The following ADAMTSL1 variants were observed in gnomAD, a reference collection of about 807,000 sequenced individuals.
ADAMTSL1 encodes ADAMTS like 1, also known as ADAMTS-like protein 1.
Under a neutral mutation model 201.8 loss-of-function variants are expected in ADAMTSL1, and 126 were observed. That is an observed-to-expected ratio of 0.62 (90% CI 0.54 to 0.72). ADAMTSL1 has a LOEUF of 0.72. ADAMTSL1 is among the 30% of genes least tolerant of loss of function. ADAMTSL1 has a pLI of 0.00. For synonymous variants in ADAMTSL1, 1,121 were observed against 903.4 expected (o/e 1.24, Z -4.32); for missense variants, 2,679 against 2,277.8 (o/e 1.18, Z -3.59).
At chr9:17,935,709 T>G (rs1440530520) in intron 1 of ADAMTSL1, among the ~76,000 whole-genome samples, 1 of 152,220 alleles carries the variant, frequency 6.6e-6, no homozygotes, top group Non-Finnish European at 1.5e-5. Flanking sequence ...TAGCAATACC[T>G]CTAGCTGTTC....
chr9:18,020,752 A>T (rs901672873), intron 1 of ADAMTSL1, among the ~76,000 whole-genome samples: 4 of 152,252 alleles, frequency 2.6e-5, no homozygotes, highest in African/African-American at 9.6e-5. Context: ...CAACTGACAT[A>T]GAGGGAGTCT....
At chr9:18,206,076 A>G (rs1262254940) in intron 2 of ADAMTSL1, among the ~76,000 whole-genome samples, 1 of 150,556 alleles carries the variant, frequency 6.6e-6, no homozygotes, top group African/African-American at 2.4e-5. Flanking sequence ...AAAAAAAAAA[A>G]AAAAAAAAAG....
intron 8 of ADAMTSL1, 125 bp downstream of exon 8, chr9:18,657,875 G>T: frequency 1.4e-6 from 1 of 727,020 alleles, no homozygotes; most frequent in Non-Finnish European, 2.3e-6. Context: ...CCTTTCTTCT[G>T]AACAGAGTGG....
At chr9:18,645,045 A>C (rs922414258) in intron 7 of ADAMTSL1, among the ~76,000 whole-genome samples, 9 of 152,066 alleles carry the variant, frequency 5.9e-5, no homozygotes, top group African/African-American at 9.7e-5. Context: ...CTTCTCCAGC[A>C]CCTGTTGTTT....
rs566772602 is a variant in ADAMTSL1, at chr9:18,560,413, T to C, written c.238-13617T>C. Among the ~76,000 whole-genome samples, 3 of 152,346 alleles carry C rather than the reference T, an allele frequency of 2.0e-5. No individual in the cohort carries two copies. The South Asian group carries it at 6.2e-4, about 32-fold the overall frequency. ...TGTGCTACTGGATTCAGTTTGCCAG[T>C]ATTTTGTTGAAGATGTTCACATCAA... On this transcript the variant is annotated intron_variant, in intron 3 of 28. Transcript: ENST00000380548.
intron 1 of ADAMTSL1, among the ~76,000 whole-genome samples, chr9:18,107,653 TAAAAAC>T (rs1824817968): frequency 6.6e-6 from 1 of 152,098 alleles, no homozygotes; most frequent in African/African-American, 2.4e-5. Flanking sequence ...AGCAACAAAA[TAAAAAC>T]AAATACCAAT....
At chr9:18,393,865 T>C (rs990107592) in intron 2 of ADAMTSL1, among the ~76,000 whole-genome samples, 2 of 152,188 alleles carry the variant, frequency 1.3e-5, no homozygotes, top group African/African-American at 2.4e-5. Context: ...GCCTGGGTCC[T>C]GGATGATACC....
intron 2 of ADAMTSL1, among the ~76,000 whole-genome samples, chr9:18,229,748 T>G (rs1395998569): frequency 6.6e-6 from 1 of 151,758 alleles, no homozygotes; most frequent in Non-Finnish European, 1.5e-5. Context: ...CAGGCTGGAG[T>G]GCAATGTTGC....
chr9:18,872,531 T>C (rs1827928128), intron 23 of ADAMTSL1, among the ~76,000 whole-genome samples: 1 of 152,142 alleles, frequency 6.6e-6, no homozygotes, highest in African/African-American at 2.4e-5. Context: ...TGTATCATTC[T>C]TATGACTTTG....
chr9:18,258,160 A>G (rs1466743442), intron 2 of ADAMTSL1, among the ~76,000 whole-genome samples: 2 of 152,258 alleles, frequency 1.3e-5, no homozygotes, highest in Admixed American at 6.5e-5. Context: ...AATAAAAACC[A>G]GGTTTTTTGC....
chr9:17,992,570 GA>G (rs1295880134), intron 1 of ADAMTSL1, among the ~76,000 whole-genome samples: 1 of 152,110 alleles, frequency 6.6e-6, no homozygotes, highest in Non-Finnish European at 1.5e-5. Context: ...TGAGTCATCT[GA>G]GGCTAGGAGT....
intron 2 of ADAMTSL1, among the ~76,000 whole-genome samples, chr9:18,512,147 G>C (rs1037425502): frequency 6.6e-6 from 1 of 152,146 alleles, no homozygotes; most frequent in Non-Finnish European, 1.5e-5. Flanking sequence ...TTAAGAGTTT[G>C]CAGTTGCCTT....
At chr9:17,907,095 C>T (rs1825746781) in intron 1 of ADAMTSL1, among the ~76,000 whole-genome samples, 2 of 152,192 alleles carry the variant, frequency 1.3e-5, no homozygotes, top group Admixed American at 6.5e-5. Context: ...TAAGGCGTAC[C>T]CTGGGGTCGA....
chr9:17,985,184 A>C (rs1818874740), intron 1 of ADAMTSL1, among the ~76,000 whole-genome samples: 1 of 152,044 alleles, frequency 6.6e-6, no homozygotes. Context: ...CTCTTTTTGG[A>C]TGGTTAATAA....
intron 2 of ADAMTSL1, among the ~76,000 whole-genome samples, chr9:18,231,091 A>C (rs555864713): frequency 6.6e-6 from 1 of 152,036 alleles, no homozygotes; most frequent in Non-Finnish European, 1.5e-5. Context: ...GACCAGCTCT[A>C]CCTTTCTTGA....
intron 2 of ADAMTSL1, among the ~76,000 whole-genome samples, chr9:18,302,702 C>T (rs1364463311): frequency 2.0e-5 from 3 of 152,186 alleles, no homozygotes; most frequent in Admixed American, 2.0e-4. Flanking sequence ...TTTACTCATA[C>T]TGCCTTTTAA....
chr9:18,330,984 T>C (rs1050346751), intron 2 of ADAMTSL1, among the ~76,000 whole-genome samples: 7 of 152,176 alleles, frequency 4.6e-5, no homozygotes, highest in African/African-American at 1.2e-4. Flanking sequence ...GATAAAATCA[T>C]GTGACTATGA....
intron 2 of ADAMTSL1, among the ~76,000 whole-genome samples, chr9:18,387,094 TG>T (rs1295128888): frequency 2.0e-5 from 3 of 152,082 alleles, no homozygotes; most frequent in Non-Finnish European, 4.4e-5. Context: ...ATATATACAT[TG>T]GGATCTCATT....
chr9:18,650,502 T>C (rs1828168879), intron 7 of ADAMTSL1, among the ~76,000 whole-genome samples: 1 of 152,142 alleles, frequency 6.6e-6, no homozygotes, highest in South Asian at 2.1e-4. Flanking sequence ...GTGGGAGTTG[T>C]AGACAGGAGC....
Sources: gnomAD v4.1 joint callset for allele counts (sites outside exome capture counted in the v4.1 genomes callset) on GRCh38, gnomAD v4.1.1 for gene constraint, MANE v1.5 for transcripts, NCBI Gene and HGNC (gene_info 2026-07-23, HGNC 2026-07-21) for gene names.